The following USP32 variants were observed in gnomAD, a reference collection of about 807,000 sequenced individuals.
The protein encoded by USP32 is ubiquitin carboxyl-terminal hydrolase 32.
USP32 carries 59 observed loss-of-function variants against 204.8 expected under a neutral mutation model. The observed-to-expected ratio is 0.29, with a 90% CI of 0.23 to 0.36. USP32 has a LOEUF of 0.36. USP32 is among the 10% of genes least tolerant of loss of function. USP32 has a pLI of 1.00. For missense variants in USP32, 1,160 were observed against 1,946.4 expected (o/e 0.60, Z 7.60); for synonymous variants, 517 against 678.4 (o/e 0.76, Z 3.70).
At chr17:60,361,873 T>C (rs914843760) in intron 1 of USP32, among the ~76,000 whole-genome samples, 1 of 152,174 alleles carries the variant, frequency 6.6e-6, no homozygotes, top group Non-Finnish European at 1.5e-5. Context: ...TGTATATATA[T>C]ATATGCCATT....
intron 26 of USP32, among the ~76,000 whole-genome samples, chr17:60,204,441 C>T (rs1271995830): frequency 6.6e-6 from 1 of 151,220 alleles, no homozygotes; most frequent in East Asian, 1.9e-4. Context: ...AGGGATCCTC[C>T]TAAACATGCC....
intron 27 of USP32, among the ~76,000 whole-genome samples, chr17:60,196,267 C>A (rs1427696441): frequency 1.3e-4 from 18 of 133,786 alleles, no homozygotes; most frequent in Non-Finnish European, 2.4e-4. Flanking sequence ...TCTATCCCCA[C>A]GCCAAAAAAA....
intron 1 of USP32, among the ~76,000 whole-genome samples, chr17:60,391,231 CA>C (rs1225831764): frequency 6.6e-6 from 1 of 152,212 alleles, no homozygotes; most frequent in Non-Finnish European, 1.5e-5. Flanking sequence ...AAACCTAAGA[CA>C]AGGTCTGGTG....
intron 1 of USP32, among the ~76,000 whole-genome samples, chr17:60,419,817 A>T (rs1327379866): frequency 1.4e-5 from 2 of 138,662 alleles, no homozygotes; most frequent in Admixed American, 7.4e-5. Flanking sequence ...GGTTAAAAAA[A>T]ATTATTATTA....
chr17:60,202,811 A>G (rs2145463845), intron 26 of USP32, among the ~76,000 whole-genome samples: 1 of 147,524 alleles, frequency 6.8e-6, no homozygotes, highest in South Asian at 2.1e-4. Context: ...AGTAAATGTG[A>G]CCTAATTTGG....
chr17:60,249,652 T>C lies in USP32; in HGVS notation c.1136+2729A>G, dbSNP rs1399036443. 4.4e-6 allele frequency: 3 copies of C among 678,960 alleles called. No homozygotes were observed. The African/African-American group carries it at 5.4e-5, about 12-fold the overall frequency. The allele number at this position is 678,960 out of a possible 1,614,324, so 42.1% of individuals were successfully genotyped here. On this transcript the variant is annotated intron_variant, in intron 11 of 33. Coordinates refer to ENST00000300896, the MANE Select transcript of USP32 (RefSeq NM_032582.4). ...GATGGGAGGAAATGAAAGCTGCTCC[T>C]GGTTAAATTACCACACACTTCCATT...
intron 2 of USP32, among the ~76,000 whole-genome samples, chr17:60,325,783 C>G (rs895118285): frequency 5.9e-5 from 9 of 151,678 alleles, no homozygotes; most frequent in African/African-American, 1.9e-4. Context: ...CAAAAATTAG[C>G]CAGGCATTTG....
intron 11 of USP32, among the ~76,000 whole-genome samples, chr17:60,239,933 T>C (rs1292323548): frequency 1.3e-5 from 2 of 152,038 alleles, no homozygotes; most frequent in Non-Finnish European, 2.9e-5. Flanking sequence ...GACGGGGTTT[T>C]ACCATGTTGG....
chr17:60,181,556 C>T lies in USP32; in HGVS notation c.4316G>A (p.Cys1439Tyr). 1 of 1,614,026 alleles carries T rather than the reference C, an allele frequency of 6.2e-7. No individual in the cohort carries two copies. ...ASKENGAGQI[C>Y]ELADALSRGH... ...TCGACTCAAGGCGTCAGCCAGCTCA[C>T]ATATCTGCCCAGCCCCATTTTCTTT... is the stretch of plus-strand genomic sequence containing the variant. The change falls in exon 32 of 34, where the codon TGT becomes TAT. Residue 1439 changes from cysteine to tyrosine, a missense_variant. Coordinates refer to ENST00000300896, the MANE Select transcript of USP32 (RefSeq NM_032582.4).
intron 3 of USP32, among the ~76,000 whole-genome samples, chr17:60,296,101 A>C (rs1026561109): frequency 3.9e-5 from 6 of 152,196 alleles, no homozygotes; most frequent in African/African-American, 1.4e-4. Context: ...AGAAAACCTC[A>C]CCTTAGTTTT....
chr17:60,403,841 AC>A (rs1267600669), intron 1 of USP32, among the ~76,000 whole-genome samples: 7 of 152,168 alleles, frequency 4.6e-5, no homozygotes, highest in Admixed American at 4.6e-4. Context: ...GGAGTTCAAG[AC>A]CAGTCTGGGT....
intron 5 of USP32, among the ~76,000 whole-genome samples, chr17:60,271,806 T>C (rs237962): frequency 0.14 from 21,188 of 151,696 alleles, 3,181 homozygotes; most frequent in African/African-American, 0.37. Context: ...ACTGATTTTT[T>C]TTCTTCTTTT....
chr17:60,344,824 T>C (rs890493281), intron 2 of USP32, among the ~76,000 whole-genome samples: 2 of 152,188 alleles, frequency 1.3e-5, no homozygotes, highest in African/African-American at 4.8e-5. Context: ...TACAAAATAG[T>C]AAACTTTTAT....
intron 1 of USP32, among the ~76,000 whole-genome samples, chr17:60,374,346 T>C (rs1291274173): frequency 2.0e-5 from 3 of 152,066 alleles, no homozygotes; most frequent in South Asian, 4.1e-4. Context: ...AATAATGCCT[T>C]CTTCTGAAAT....
Position 60,214,853 on chromosome 17 carries a change from A to G in USP32, c.1868-79T>C, listed in dbSNP as rs190933713. 90 of 1,517,040 alleles carry G rather than the reference A, an allele frequency of 5.9e-5. No individual in the cohort carries two copies. In the East Asian group the frequency reaches 1.9e-3, roughly 33 times the overall value. The allele number at this position is 1,517,040 out of a possible 1,614,324, so 94.0% of individuals were successfully genotyped here. On this transcript the variant is annotated intron_variant, in intron 16 of 33. Transcript: ENST00000300896. ...CCCTCTCAGCAATGGGGACCATACT[A>G]TTTTAGGAAATAATAATGAGAAATG...
intron 29 of USP32, among the ~76,000 whole-genome samples, chr17:60,187,150 A>G (rs534333582): frequency 1.7e-4 from 26 of 152,312 alleles, no homozygotes; most frequent in African/African-American, 6.0e-4. Flanking sequence ...GGCACAGCTC[A>G]AGACATTCAG....
At chr17:60,337,753 T>C (rs1376288484) in intron 2 of USP32, among the ~76,000 whole-genome samples, 1 of 152,058 alleles carries the variant, frequency 6.6e-6, no homozygotes, top group African/African-American at 2.4e-5. Context: ...TGGTGGCACA[T>C]GCCTGTGTCC....
chr17:60,338,697 T>C (rs975742189), intron 2 of USP32, among the ~76,000 whole-genome samples: 1 of 152,180 alleles, frequency 6.6e-6, no homozygotes, highest in Non-Finnish European at 1.5e-5. Context: ...ACCACTGCAC[T>C]CTAGCCTTGG....
Position 60,180,576 on chromosome 17 carries a change from T to A in USP32, c.4610A>T (p.Lys1537Met). 6.2e-7 allele frequency: 1 copy of A among 1,613,792 alleles called. No homozygotes were observed. The highest frequency in any genetic ancestry group is 8.5e-7 in the Non-Finnish European group (1 of 1,179,756). The change falls in exon 33 of 34, where the codon AAG (lysine) becomes ATG (methionine). Residue 1537 changes from lysine to methionine, a missense_variant. By Grantham distance (95) the Lys-to-Met change is moderately conservative. Transcript: ENST00000300896. The part of the protein sequence containing the change: ...YVTYAKNPNC[K>M]WYCYNDSSCK... ...GCTGCTGTCATTGTAACAGTACCAC[T>A]TGCAGTTTGGGTTTTTGGCATAAGT... is the stretch of plus-strand genomic sequence containing the variant.
Sources: allele counts gnomAD v4.1 joint callset (sites outside exome capture counted in the v4.1 genomes callset), GRCh38; gene constraint gnomAD v4.1.1; transcripts MANE v1.5; gene names NCBI Gene and HGNC (gene_info 2026-07-23, HGNC 2026-07-21).